SHISAL2A: variants seen among roughly 807,000 people sequenced by gnomAD.
SHISAL2A encodes protein shisa-like-2A.
Under a neutral mutation model 11.5 loss-of-function variants are expected in SHISAL2A, and 18 were observed. That is an observed-to-expected ratio of 1.57 (90% CI 1.08 to 2.33). The LOEUF (loss-of-function observed/expected upper bound fraction) is 2.33. SHISAL2A is among the 30% of genes most tolerant of loss of function. The pLI is 0.00. For synonymous variants in SHISAL2A, 94 were observed against 99.6 expected (o/e 0.94, Z 0.34); for missense variants, 261 against 250.9 (o/e 1.04, Z -0.27).
At chr1:52,658,571 G>A (rs1381637200), downstream of SHISAL2A, among the ~76,000 whole-genome samples, 2 of 152,150 alleles carry the variant, frequency 1.3e-5, no homozygotes, top group Non-Finnish European at 2.9e-5. Flanking sequence ...TAGGGCTTGG[G>A]GAAGGACTAA....
chr1:52,643,832 G>A (rs1407011812), intron 2 of SHISAL2A, among the ~76,000 whole-genome samples: 8 of 146,636 alleles, frequency 5.5e-5, no homozygotes, highest in Admixed American at 2.0e-4. Context: ...CAGCCTGGGC[G>A]ACAGAGTGAG....
intron 4 of SHISAL2A, among the ~76,000 whole-genome samples, chr1:52,666,030 T>C (rs1692003815): frequency 6.6e-6 from 1 of 152,248 alleles, no homozygotes; most frequent in Non-Finnish European, 1.5e-5. Context: ...CTTGAGCTAA[T>C]GCCTTCCTCT....
chr1:52,649,895 C>T (rs1397104745), intron 2 of SHISAL2A, among the ~76,000 whole-genome samples: 2 of 152,180 alleles, frequency 1.3e-5, no homozygotes, highest in Non-Finnish European at 2.9e-5. Context: ...CAGCCATTCT[C>T]ATCAACTAGA....
downstream of SHISAL2A, among the ~76,000 whole-genome samples, chr1:52,657,488 G>A (rs994458640): frequency 3.9e-5 from 6 of 152,172 alleles, no homozygotes; most frequent in Non-Finnish European, 4.4e-5. Flanking sequence ...CGGATAGAGA[G>A]GGAGTATGTT....
intron 2 of SHISAL2A, among the ~76,000 whole-genome samples, chr1:52,652,692 G>T (rs529048156): frequency 4.3e-4 from 65 of 152,032 alleles, no homozygotes; most frequent in African/African-American, 1.6e-3. Context: ...TGGGCCGGGC[G>T]CAGTGGCTCA....
At chr1:52,645,687 G>T (rs570695909) in intron 2 of SHISAL2A, among the ~76,000 whole-genome samples, 1 of 152,206 alleles carries the variant, frequency 6.6e-6, no homozygotes, top group African/African-American at 2.4e-5. Context: ...GGGATTACAG[G>T]TGTGAGCCAC....
chr1:52,663,548 G>T (rs1005185952), intron 4 of SHISAL2A, among the ~76,000 whole-genome samples: 1 of 152,024 alleles, frequency 6.6e-6, no homozygotes, highest in African/African-American at 2.4e-5. Flanking sequence ...ATCACCTAAG[G>T]TCATGAGGTC....
chr1:52,660,533 C>T (rs960282101), downstream of SHISAL2A, among the ~76,000 whole-genome samples: 1 of 152,138 alleles, frequency 6.6e-6, no homozygotes, highest in Non-Finnish European at 1.5e-5. Context: ...ACACATCGAC[C>T]GGCAATTATT....
chr1:52,643,857 A>G (rs1332910215), intron 2 of SHISAL2A, among the ~76,000 whole-genome samples: 1 of 151,062 alleles, frequency 6.6e-6, no homozygotes, highest in African/African-American at 2.4e-5. Context: ...TCTCAGAAAG[A>G]AAGAAAGAAA....
chr1:52,660,082 T>G (rs1691873703), downstream of SHISAL2A, among the ~76,000 whole-genome samples: 1 of 152,066 alleles, frequency 6.6e-6, no homozygotes, highest in African/African-American at 2.4e-5. Context: ...GAATTTGCAT[T>G]TCTAACAAAT....
chr1:52,644,380 C>T (rs993215855), intron 2 of SHISAL2A, among the ~76,000 whole-genome samples: 6 of 152,146 alleles, frequency 3.9e-5, no homozygotes, highest in Non-Finnish European at 7.4e-5. Context: ...CTGGGCACCA[C>T]AGGGAATAAG....
At chr1:52,650,860 G>A (rs1272209297) in intron 2 of SHISAL2A, among the ~76,000 whole-genome samples, 3 of 151,360 alleles carry the variant, frequency 2.0e-5, no homozygotes, top group African/African-American at 7.3e-5. Flanking sequence ...AGCCAGGCTG[G>A]TCTTGAACTC....
Position 52,633,479 on chromosome 1 carries a change from T to G in SHISAL2A, c.-15T>G. The G allele has an allele frequency of 6.8e-7, 1 of 1,478,590 alleles. No homozygotes were observed. Among genetic ancestry groups the G allele is most frequent in the Non-Finnish European group, 8.9e-7 (1 of 1,122,054 alleles). 91.6% of individuals were successfully genotyped at this position (1,478,590 alleles called of 1,614,324 possible). A position where few individuals can be genotyped will look rare whatever the true frequency, so the allele number is the denominator to read the frequency against. On this transcript the variant is annotated 5_prime_UTR_variant, in exon 1 of 3. Coordinates refer to ENST00000517870, the MANE Select transcript of SHISAL2A (RefSeq NM_001042693.3). The surrounding 1 kb of genome is among the most constrained non-coding windows in gnomAD (Gnocchi z 6.4). The stretch of plus-strand genomic sequence containing the variant: ...CTGGTGGCCCGAGGTGGCGGCGGGC[T>G]GGGCGCGGGGCGCGATGAGCGGCGC...
downstream of SHISAL2A, among the ~76,000 whole-genome samples, chr1:52,659,239 A>T (rs1571701659): frequency 2.0e-5 from 3 of 149,956 alleles, no homozygotes; most frequent in Admixed American, 6.7e-5. Context: ...TAATTTTTAA[A>T]TTTTTTTTTT....
chr1:52,637,319 G>T (rs529612618), intron 1 of SHISAL2A, among the ~76,000 whole-genome samples: 1 of 152,300 alleles, frequency 6.6e-6, no homozygotes, highest in South Asian at 2.1e-4. Context: ...AACTCTTCCG[G>T]CATGCTCCTA....
At chr1:52,661,697 A>G (rs1691909570), downstream of SHISAL2A, among the ~76,000 whole-genome samples, 1 of 152,120 alleles carries the variant, frequency 6.6e-6, no homozygotes, top group Non-Finnish European at 1.5e-5. Flanking sequence ...GAGAGAGTTG[A>G]CTGAAGACAC....
At chr1:52,655,913 C>T (rs1358857991) in intron 2 of SHISAL2A, among the ~76,000 whole-genome samples, 2 of 152,150 alleles carry the variant, frequency 1.3e-5, no homozygotes, top group Non-Finnish European at 2.9e-5. Flanking sequence ...AGATGAAAGC[C>T]TGATCTAAGG....
Position 52,633,249 on chromosome 1 carries a change from C to G in SHISAL2A, c.-245C>G. Reference sequence around the variant, plus strand: ...GCCGCGTTCCAGCAGCCGTCACTCCCGCCGCCGGCCCCCGCCGCCCGCCCC... The same window carrying G: ...GCCGCGTTCCAGCAGCCGTCACTCCGGCCGCCGGCCCCCGCCGCCCGCCCC... On this transcript the variant is annotated 5_prime_UTR_variant, in exon 1 of 3. Transcript: ENST00000517870. This position sits in a 1 kb window ranked among gnomAD's most constrained non-coding sequence, Gnocchi z 6.4. The G allele has an allele frequency of 3.1e-6, 1 of 327,728 alleles. No homozygotes were observed. The highest frequency in any genetic ancestry group is 5.5e-6 in the Non-Finnish European group (1 of 181,884). The allele number at this position is 327,728 out of a possible 1,614,324, so 20.3% of individuals were successfully genotyped here.
chr1:52,642,060 C>T (rs1691377876), intron 1 of SHISAL2A, among the ~76,000 whole-genome samples: 1 of 152,164 alleles, frequency 6.6e-6, no homozygotes, highest in Non-Finnish European at 1.5e-5. Flanking sequence ...GCCTAGATGG[C>T]AACACTGCAG....
Sources: gnomAD v4.1 joint callset for allele counts (sites outside exome capture counted in the v4.1 genomes callset) on GRCh38, gnomAD v4.1.1 for gene constraint, Gnocchi (gnomAD v3.1) non-coding constraint, MANE v1.5 for transcripts, NCBI Gene and HGNC (gene_info 2026-07-23, HGNC 2026-07-21) for gene names.